The following HCN2 variants were observed in gnomAD, a reference collection of about 807,000 sequenced individuals.
HCN2 encodes hyperpolarization activated cyclic nucleotide gated potassium and sodium channel 2.
HCN2 carries 20 observed loss-of-function variants against 52.3 expected under a neutral mutation model. That is an observed-to-expected ratio of 0.38 (90% CI 0.27 to 0.56). The LOEUF (loss-of-function observed/expected upper bound fraction) is 0.56, where lower values mean the gene tolerates loss of function less well. HCN2 is among the 20% of genes least tolerant of loss of function. The pLI is 0.71. For synonymous variants in HCN2, 694 were observed against 537.0 expected (o/e 1.29, Z -4.04); for missense variants, 981 against 1,207.7 (o/e 0.81, Z 2.78).
chr19:604,758 G>GGGACAATGATGGTTGTGCTGGGGCA (rs1983354685), intron 2 of HCN2, among the ~76,000 whole-genome samples: 1 of 138,618 alleles, frequency 7.2e-6, no homozygotes. Context: ...GTGCTGGGGC[G>GGGACAATGATGGTTGTGCTGGGGCA]GTGTCAGACA....
intron 2 of HCN2, among the ~76,000 whole-genome samples, chr19:604,623 G>A (rs1009665839): frequency 2.1e-5 from 3 of 142,646 alleles, no homozygotes; most frequent in East Asian, 2.1e-4. Context: ...GGGTTGTGCT[G>A]GGCGGGGTCA....
Position 616,910 on chromosome 19 carries a change from A to C in HCN2, c.*436A>C. 1 of 302,872 alleles carries C rather than the reference A, an allele frequency of 3.3e-6. No homozygotes were observed. Among genetic ancestry groups the C allele is most frequent in the Non-Finnish European group, 6.2e-6 (1 of 161,068 alleles). The allele number at this position is 302,872 out of a possible 1,614,324, so 18.8% of individuals were successfully genotyped here. On this transcript the variant is annotated 3_prime_UTR_variant, in exon 8 of 8. Transcript: ENST00000251287. ...GCTTCCCGCTGCCCCCATCGCGCTC[A>C]CGCAATAACCGGCCCGGCCCCCGTC...
intron 1 of HCN2, among the ~76,000 whole-genome samples, chr19:596,872 C>G (rs1251646475): frequency 6.6e-6 from 1 of 152,106 alleles, no homozygotes; most frequent in Non-Finnish European, 1.5e-5. Flanking sequence ...CCCAAGGTCA[C>G]TCAGTCTAGT....
intron 5 of HCN2, among the ~76,000 whole-genome samples, chr19:612,012 G>A (rs1983657129): frequency 1.3e-5 from 2 of 152,146 alleles, no homozygotes; most frequent in South Asian, 4.2e-4. Context: ...GGGCGTGGTG[G>A]TGGGCGCCTG....
At chr19:612,051 A>G (rs919798258) in intron 5 of HCN2, among the ~76,000 whole-genome samples, 1 of 152,110 alleles carries the variant, frequency 6.6e-6, no homozygotes, top group Non-Finnish European at 1.5e-5. Context: ...AGGCTGAGAC[A>G]GGAGAATCGC....
chr19:615,353 AAAT>A (rs1983850440), intron 7 of HCN2, among the ~76,000 whole-genome samples: 1 of 152,026 alleles, frequency 6.6e-6, no homozygotes, highest in Non-Finnish European at 1.5e-5. Flanking sequence ...ACTAAAAAAA[AAAT>A]ACAAAAAATT....
chr19:608,950 T>C lies in HCN2; in HGVS notation c.1437+768T>C, dbSNP rs572508597. 2.8e-4 allele frequency among the ~76,000 whole-genome samples: 43 copies of C among 152,120 alleles called. No homozygotes were observed. The South Asian group carries it at 8.5e-3, about 30-fold the overall frequency. Reference sequence around the variant, plus strand: ...GGGAGCTGGGAGGGGTGGAGGGAGATTAGGATTGGCCCCATTGGCAGCCCC... The same window carrying C: ...GGGAGCTGGGAGGGGTGGAGGGAGACTAGGATTGGCCCCATTGGCAGCCCC... On this transcript the variant is annotated intron_variant, in intron 4 of 7. Transcript: ENST00000251287.
chr19:596,426 A>G (rs1209852118), intron 1 of HCN2, among the ~76,000 whole-genome samples: 2 of 152,098 alleles, frequency 1.3e-5, no homozygotes, highest in Non-Finnish European at 2.9e-5. Flanking sequence ...AGGTTTCCCC[A>G]GGGACCCAGC....
rs1255974440 is a variant in HCN2, at chr19:591,042, C to T, written c.632+465C>T. 6.6e-6 allele frequency: 1 copy of T among 152,102 alleles called. No individual in the cohort carries two copies. The highest frequency in any genetic ancestry group is 6.5e-5 in the Admixed American group (1 of 15,282). 9.4% of individuals were successfully genotyped at this position (152,102 alleles called of 1,614,324 possible). A position where few individuals can be genotyped will look rare whatever the true frequency, so the allele number is the denominator to read the frequency against. The stretch of plus-strand genomic sequence containing the variant: ...CCCGCGCCCCGCCTGCGAGGAGGCG[C>T]GCCCGGGGCCGCGGGCCTGGAAAGC... On this transcript the variant is annotated intron_variant, in intron 1 of 7. Transcript: ENST00000251287. The surrounding 1 kb of genome is among the most constrained non-coding windows in gnomAD (Gnocchi z 4.1).
intron 4 of HCN2, among the ~76,000 whole-genome samples, chr19:609,987 G>C (rs1443591920): frequency 6.6e-6 from 1 of 152,192 alleles, no homozygotes; most frequent in Non-Finnish European, 1.5e-5. Flanking sequence ...GAATCTGGCC[G>C]CCCCTGTGTG....
intron 1 of HCN2, 112 bp from the exon 2 acceptor site, chr19:603,432 C>T: frequency 1.3e-6 from 1 of 760,936 alleles, no homozygotes; most frequent in South Asian, 1.8e-5. Context: ...TCGGAGGAGG[C>T]ACTGGCTCGA....
chr19:603,319 C>A (rs1241668994), intron 1 of HCN2, among the ~76,000 whole-genome samples: 2 of 142,584 alleles, frequency 1.4e-5, no homozygotes, highest in African/African-American at 5.3e-5. Context: ...GGGAGGAATG[C>A]CCGGGGCTGG....
rs149524686 is a variant in HCN2, at chr19:615,281, G to C, written c.1991-514G>C. Among the ~76,000 whole-genome samples the C allele has an allele frequency of 8.0e-3, 1,215 of 152,192 alleles. 22 individuals are homozygous for C. Among genetic ancestry groups the C allele is most frequent in the African/African-American group, 0.028 (1,150 of 41,506 alleles). ...TCCCAGCACTTTCGGAGGCCAAGGT[G>C]GGTGGATCACGAGGTCAGGAGATTG... On this transcript the variant is annotated intron_variant, in intron 7 of 7. Coordinates refer to ENST00000251287, the MANE Select transcript of HCN2 (RefSeq NM_001194.4).
At chr19:596,617 G>C (rs1050957657) in intron 1 of HCN2, among the ~76,000 whole-genome samples, 1 of 152,212 alleles carries the variant, frequency 6.6e-6, no homozygotes. Context: ...GACAGCTGAG[G>C]GGGGCCTGTC....
At chr19:612,740 T>C (rs867228852) in intron 5 of HCN2, among the ~76,000 whole-genome samples, 1 of 151,516 alleles carries the variant, frequency 6.6e-6, no homozygotes, top group East Asian at 1.9e-4. Context: ...TTTCTTTTTT[T>C]TTTTTTTTGA....
At chr19:615,629 G>A (rs544303291) in intron 7 of HCN2, among the ~76,000 whole-genome samples, 166 bp from the exon 8 acceptor site, 3 of 152,330 alleles carry the variant, frequency 2.0e-5, no homozygotes, top group Admixed American at 6.5e-5. Context: ...CATACTATAG[G>A]CCAGAGATGC....
Position 603,554 on chromosome 19 carries a change from G to A in HCN2, c.643G>A (p.Asp215Asn). 1 of 1,604,324 alleles carries A rather than the reference G, an allele frequency of 6.2e-7. No homozygotes were observed. ...HPYSDFRFYWDFTMLLFMVGN... is the reference protein window; with the variant it reads ...HPYSDFRFYWNFTMLLFMVGN... ...CACCCTCGCCCCCAGGTTCTACTGGGACTTCACCATGCTGCTGTTCATGGT... is the reference window on the plus strand; with the variant it reads ...CACCCTCGCCCCCAGGTTCTACTGGAACTTCACCATGCTGCTGTTCATGGT... Residue 215 changes from aspartate to asparagine, a missense_variant, in exon 2 of 8, where the codon GAC becomes AAC. Asp to Asn is a conservative substitution (Grantham distance 23). This residue lies in a region of HCN2 where 282 missense variants were observed against 553.8 expected (regional missense o/e 0.51). Coordinates refer to ENST00000251287, the MANE Select transcript of HCN2 (RefSeq NM_001194.4).
intron 4 of HCN2, among the ~76,000 whole-genome samples, chr19:609,262 C>T (rs1450178944): frequency 1.3e-5 from 2 of 152,160 alleles, no homozygotes; most frequent in Non-Finnish European, 2.9e-5. Context: ...CGGGGGGCAC[C>T]GTCCTGGGGA....
intron 7 of HCN2, 60 bp from the exon 8 acceptor site, chr19:615,735 G>A: frequency 4.5e-6 from 7 of 1,569,162 alleles, no homozygotes; most frequent in Non-Finnish European, 5.2e-6. Flanking sequence ...GTAGGTGCTC[G>A]GTGCCCGCTG....
Sources: gnomAD v4.1 joint callset for allele counts (sites outside exome capture counted in the v4.1 genomes callset) on GRCh38, gnomAD v4.1.1 for gene constraint, gnomAD v4.1.1 regional missense constraint, Gnocchi (gnomAD v3.1) non-coding constraint, MANE v1.5 for transcripts, NCBI Gene and HGNC (gene_info 2026-07-23, HGNC 2026-07-21) for gene names.